Variants in PTPRD observed in about 807,000 individuals in gnomAD.
The protein encoded by PTPRD is protein tyrosine phosphatase receptor type D, also known as receptor-type tyrosine-protein phosphatase delta.
A neutral mutation model predicts 214.5 loss-of-function variants in PTPRD; 34 were observed. The observed-to-expected ratio is 0.16, with a 90% confidence interval of 0.12 to 0.21. The LOEUF (loss-of-function observed/expected upper bound fraction) is 0.21. PTPRD is among the 10% of genes least tolerant of loss of function. The pLI is 1.00. For missense variants in PTPRD, 2,545 were observed against 2,398.7 expected (o/e 1.06, Z -1.27); for synonymous variants, 1,128 against 845.7 (o/e 1.33, Z -5.79).
rs145606283 is a variant in PTPRD, at chr9:8,664,722, T to C, written c.65-27878A>G. ...TTGTATATATCCCCACACTACACTA[T>C]TCCTGCATACAGCCAGAAGCTGCTT... On this transcript the variant is annotated intron_variant, in intron 12 of 45. Coordinates refer to ENST00000381196, the MANE Select transcript of PTPRD (RefSeq NM_002839.4). Among the ~76,000 whole-genome samples, 96 of 152,364 alleles carry C rather than the reference T, an allele frequency of 6.3e-4. No individual in the cohort carries two copies. The East Asian group carries it at 0.017, about 28-fold the overall frequency.
chr9:8,685,539 A>C (rs917120392), intron 12 of PTPRD, among the ~76,000 whole-genome samples: 2 of 152,228 alleles, frequency 1.3e-5, no homozygotes, highest in Non-Finnish European at 2.9e-5. Flanking sequence ...CATCAGGAAC[A>C]GTTGGAAACC....
chr9:9,212,424 G>A (rs2099949376), intron 9 of PTPRD, among the ~76,000 whole-genome samples: 1 of 152,022 alleles, frequency 6.6e-6, no homozygotes, highest in South Asian at 2.1e-4. Flanking sequence ...CATTCCTATT[G>A]TTGCCTCCTC....
At chr9:8,353,303 C>A (rs1014845725) in intron 39 of PTPRD, among the ~76,000 whole-genome samples, 1 of 152,134 alleles carries the variant, frequency 6.6e-6, no homozygotes, top group African/African-American at 2.4e-5. Context: ...ACCCTAGCAA[C>A]CTCCAGCAGG....
intron 8 of PTPRD, among the ~76,000 whole-genome samples, chr9:9,559,090 T>C (rs1203020014): frequency 1.3e-5 from 2 of 152,176 alleles, no homozygotes; most frequent in East Asian, 1.9e-4. Flanking sequence ...GTCATCTGAA[T>C]GATGACTGTA....
At chr9:8,877,322 T>C (rs2098402759) in intron 11 of PTPRD, among the ~76,000 whole-genome samples, 1 of 152,198 alleles carries the variant, frequency 6.6e-6, no homozygotes, top group Non-Finnish European at 1.5e-5. Context: ...CCCAGGGTAA[T>C]GTCTATGTCA....
intron 3 of PTPRD, among the ~76,000 whole-genome samples, chr9:10,245,995 C>G (rs1368635668): frequency 1.3e-5 from 2 of 152,066 alleles, no homozygotes; most frequent in Non-Finnish European, 2.9e-5. Flanking sequence ...TAAGTTAAAC[C>G]ACATTAGGAA....
intron 10 of PTPRD, among the ~76,000 whole-genome samples, chr9:9,160,076 G>A (rs867040982): frequency 1.8e-4 from 28 of 152,098 alleles, no homozygotes; most frequent in African/African-American, 6.7e-4. Context: ...GATTTAAATG[G>A]AAGATCTACA....
intron 5 of PTPRD, among the ~76,000 whole-genome samples, chr9:9,901,407 T>C (rs75595275): frequency 0.03 from 4,570 of 150,224 alleles, 242 homozygotes; most frequent in African/African-American, 0.11. Context: ...AGATCAAATC[T>C]TAAAAAATGC....
rs148430242 is a variant in PTPRD at position 9,413,596 on chromosome 9, C to G, written c.-236-16114G>C. Among the ~76,000 whole-genome samples, 164 of 152,226 alleles carry G rather than the reference C, an allele frequency of 1.1e-3. 1 individual carries two copies. The highest frequency in any genetic ancestry group is 3.8e-3 in the African/African-American group (158 of 41,534). On this transcript the variant is annotated intron_variant, in intron 8 of 45. Transcript: ENST00000381196. ...AAAACCAAACTAGAAATTATATAAA[C>G]TCTCTGTTTTGAAAAAGTCTATGAG...
chr9:9,000,266 C>G (rs2154354391), intron 11 of PTPRD, among the ~76,000 whole-genome samples: 1 of 152,106 alleles, frequency 6.6e-6, no homozygotes. Context: ...CCATAAAGGT[C>G]TTTAATTAGG....
chr9:9,577,827 C>A (rs1434209844), intron 7 of PTPRD, among the ~76,000 whole-genome samples: 1 of 151,860 alleles, frequency 6.6e-6, no homozygotes, highest in Admixed American at 6.6e-5. Context: ...GGGTGGATCA[C>A]CTGAGGTTGG....
intron 8 of PTPRD, among the ~76,000 whole-genome samples, chr9:9,544,987 T>G (rs1409619): frequency 6.6e-6 from 1 of 151,648 alleles, no homozygotes; most frequent in African/African-American, 2.4e-5. Flanking sequence ...TTATTTTTAT[T>G]TTTTAGAGGA....
chr9:9,517,613 C>G (rs1437733135), intron 8 of PTPRD, among the ~76,000 whole-genome samples: 4 of 151,832 alleles, frequency 2.6e-5, no homozygotes. Context: ...CTTGAGATTC[C>G]CAGTGAAACA....
rs78127987 is a variant in PTPRD at position 9,136,136 on chromosome 9, C to T, written c.-143+47168G>A. ...AAAGGTGAATTCTCAGCTTTTACAA[C>T]TTCATCAAATGTTGAATACTGAGTA... On this transcript the variant is annotated intron_variant, in intron 10 of 45. Coordinates refer to ENST00000381196, the MANE Select transcript of PTPRD (RefSeq NM_002839.4). 6.4e-3 allele frequency among the ~76,000 whole-genome samples: 978 copies of T among 152,206 alleles called. 11 individuals carry two copies. Among genetic ancestry groups the T allele is most frequent in the African/African-American group, 0.023 (937 of 41,550 alleles).
At chr9:9,264,339 T>C (rs1438953498) in intron 9 of PTPRD, among the ~76,000 whole-genome samples, 1 of 151,446 alleles carries the variant, frequency 6.6e-6, no homozygotes, top group African/African-American at 2.4e-5. Flanking sequence ...ATAGAAATCA[T>C]AACAAAGAAC....
At chr9:9,382,945 A>G (rs2062777382) in intron 9 of PTPRD, among the ~76,000 whole-genome samples, 1 of 152,108 alleles carries the variant, frequency 6.6e-6, no homozygotes, top group African/African-American at 2.4e-5. Context: ...AAAATGTTGT[A>G]TATTTATATA....
At chr9:9,587,684 G>A (rs1003999049) in intron 7 of PTPRD, among the ~76,000 whole-genome samples, 1 of 151,936 alleles carries the variant, frequency 6.6e-6, no homozygotes, top group East Asian at 1.9e-4. Flanking sequence ...AAGTTCCCAG[G>A]TGATGTTGAT....
At chr9:9,604,249 G>A (rs2093996099) in intron 7 of PTPRD, among the ~76,000 whole-genome samples, 1 of 152,016 alleles carries the variant, frequency 6.6e-6, no homozygotes, top group South Asian at 2.1e-4. Context: ...GAATTAATCT[G>A]TTCACACATT....
intron 35 of PTPRD, among the ~76,000 whole-genome samples, chr9:8,405,495 A>C (rs2092880925): frequency 6.6e-6 from 1 of 152,148 alleles, no homozygotes; most frequent in South Asian, 2.1e-4. Context: ...TATGTAATTT[A>C]AAAATATTTA....
Sources: gnomAD v4.1 joint callset for allele counts (sites outside exome capture counted in the v4.1 genomes callset) on GRCh38, gnomAD v4.1.1 for gene constraint, MANE v1.5 for transcripts, NCBI Gene and HGNC (gene_info 2026-07-23, HGNC 2026-07-21) for gene names.